CCL23: variants seen among roughly 807,000 people sequenced by gnomAD.
CCL23 encodes the protein C-C motif chemokine ligand 23.
CCL23 carries 10 observed loss-of-function variants against 11.8 expected under a neutral mutation model. The ratio of observed to expected loss-of-function variants is 0.84; its 90% CI spans 0.52 to 1.43. The LOEUF is 1.43. Among genes scored for constraint, CCL23 ranks in the 40% most tolerant of loss-of-function variants. The probability of loss-of-function intolerance (pLI) is 0.00; values close to 1 mark genes in which losing one functional copy is unlikely to be tolerated. For missense variants in CCL23, 181 were observed against 170.9 expected (o/e 1.06, Z -0.33); for synonymous variants, 60 against 61.0 (o/e 0.98, Z 0.07).
Position 36,013,787 on chromosome 17 carries a change from T to C in CCL23, c.259A>G (p.Ser87Gly). The change falls in exon 3 of 4, where the codon AGT (serine) becomes GGT (glycine). Residue 87 changes from serine (S) to glycine (G), a missense_variant. Coordinates refer to ENST00000615050, the MANE Select transcript of CCL23 (RefSeq NM_005064.6). ...PRSIPCSLLE[S>G]YFETNSECSK... ...CACTCGCTGTTCGTTTCAAAGTAAC[T>C]CTCCAGGAGTGAACACGGGATGCTT... 6.2e-7 allele frequency: 1 copy of C among 1,614,092 alleles called. No homozygotes were observed. Among genetic ancestry groups the C allele is most frequent in the Non-Finnish European group, 8.5e-7 (1 of 1,180,018 alleles).
rs2090071028 is a variant in CCL23, at chr17:36,013,267, CTG to C, written c.342_343del (p.Ser115Ter). On this transcript the variant is annotated frameshift_variant, in exon 4 of 4. Coordinates refer to ENST00000615050, the MANE Select transcript of CCL23 (RefSeq NM_005064.6). LOFTEE classifies it low-confidence loss of function (END_TRUNC). ...CATGCAAACCTGAACTTGCTTATCACTGGGGTTGGCACAGAAACGTCGCCCCT... is the reference window on the plus strand; with the variant it reads ...CATGCAAACCTGAACTTGCTTATCACGGGTTGGCACAGAAACGTCGCCCCT... 6.2e-7 allele frequency: 1 copy of C among 1,613,822 alleles called. No homozygotes were observed. Among genetic ancestry groups the C allele is most frequent in the Non-Finnish European group, 8.5e-7 (1 of 1,179,892 alleles).
chr17:36,013,974 T>G lies in CCL23; in HGVS notation c.137-65A>C, dbSNP rs2090078482. 2.7e-6 allele frequency: 4 copies of G among 1,500,766 alleles called. No homozygotes were observed. The Admixed American group carries it at 6.8e-5, about 26-fold the overall frequency. 93.0% of individuals were successfully genotyped at this position (1,500,766 alleles called of 1,614,324 possible). ...TTCCTCCTCCGTGACCAGCACTTGC[T>G]GGCATCTCCCTGCTTCAGACCCTCA... On this transcript the variant is annotated intron_variant, in intron 2 of 3. Coordinates refer to ENST00000615050, the MANE Select transcript of CCL23 (RefSeq NM_005064.6).
At chr17:36,014,072 G>C (rs933556286) in intron 2 of CCL23, among the ~76,000 whole-genome samples, 163 bp from the exon 3 acceptor site, 2 of 152,212 alleles carry the variant, frequency 1.3e-5, no homozygotes, top group African/African-American at 2.4e-5. Context: ...CCCCTAGAAG[G>C]GGAAGGCATC....
At chr17:36,015,927 G>A (rs770600290) in intron 1 of CCL23, among the ~76,000 whole-genome samples, 6 of 151,578 alleles carry the variant, frequency 4.0e-5, no homozygotes, top group Admixed American at 1.3e-4. Context: ...GCCTGTAATC[G>A]CAGCTACTAG....
intron 1 of CCL23, among the ~76,000 whole-genome samples, chr17:36,016,640 G>A (rs979496967): frequency 6.6e-6 from 1 of 151,312 alleles, no homozygotes; most frequent in Non-Finnish European, 1.5e-5. Flanking sequence ...AGATACATGT[G>A]CATGTGTCTT....
chr17:36,016,380 A>T (rs959130208), intron 1 of CCL23, among the ~76,000 whole-genome samples: 8 of 152,038 alleles, frequency 5.3e-5, no homozygotes, highest in Non-Finnish European at 7.4e-5. Context: ...GTGTCCATGC[A>T]TTCTCAGTGT....
At chr17:36,014,051 CAGGA>C (rs1284351382) in intron 2 of CCL23, 142 bp from the exon 3 acceptor site, 9 of 817,352 alleles carry the variant, frequency 1.1e-5, no homozygotes, top group Non-Finnish European at 1.7e-5. Flanking sequence ...AGAGCAGGAC[CAGGA>C]AAATTTCCCC....
Position 36,014,188 on chromosome 17 carries a change from GCCCGT to G in CCL23, c.136+141_136+145del. On this transcript the variant is annotated intron_variant, in intron 2 of 3. Transcript: ENST00000615050. ...GGCATCTATGGAGGGGGTTCCCATA[GCCCGT>G]CCTGATCTTCCTTGGAGATGTTCAC... 28 of 484,852 alleles carry G rather than the reference GCCCGT, an allele frequency of 5.8e-5. 4 individuals carry two copies. The highest frequency in any genetic ancestry group is 1.9e-4 in the South Asian group (7 of 37,720). The allele number at this position is 484,852 out of a possible 1,614,324, so 30.0% of individuals were successfully genotyped here.
At chr17:36,015,700 G>T (rs1390684275) in intron 1 of CCL23, among the ~76,000 whole-genome samples, 1 of 152,138 alleles carries the variant, frequency 6.6e-6, no homozygotes, top group Non-Finnish European at 1.5e-5. Flanking sequence ...AATCCTTAAA[G>T]TTAGTTTATT....
chr17:36,015,071 T>C (rs1458739168), intron 1 of CCL23, among the ~76,000 whole-genome samples: 1 of 152,194 alleles, frequency 6.6e-6, no homozygotes, highest in Non-Finnish European at 1.5e-5. Flanking sequence ...TTCATTCATT[T>C]TGTGAAACTG....
chr17:36,014,558 C>T (rs551661665), intron 1 of CCL23, among the ~76,000 whole-genome samples, 165 bp from the exon 2 acceptor site: 1 of 152,230 alleles, frequency 6.6e-6, no homozygotes, highest in African/African-American at 2.4e-5. Context: ...CCCATTTATT[C>T]CTTTAGGGCC....
At chr17:36,015,247 C>T (rs2090089400) in intron 1 of CCL23, among the ~76,000 whole-genome samples, 1 of 152,044 alleles carries the variant, frequency 6.6e-6, no homozygotes. Flanking sequence ...GCATAATGTC[C>T]TTGATGTTTA....
At chr17:36,015,134 T>C (rs755845972) in intron 1 of CCL23, among the ~76,000 whole-genome samples, 7 of 152,070 alleles carry the variant, frequency 4.6e-5, no homozygotes, top group Non-Finnish European at 8.8e-5. Flanking sequence ...CCTTAATCCC[T>C]GACAATCACT....
chr17:36,016,826 TTAA>T (rs1033659239), intron 1 of CCL23, among the ~76,000 whole-genome samples: 119 of 151,100 alleles, frequency 7.9e-4, no homozygotes, highest in Non-Finnish European at 1.6e-3. Flanking sequence ...AAATATACTA[TTAA>T]TAATTTTAAA....
Position 36,013,140 on chromosome 17 carries a change from G to T in CCL23, c.*57C>A. The T allele has an allele frequency of 1.1e-6, 1 of 921,666 alleles. No individual in the cohort carries two copies. The highest frequency in any genetic ancestry group is 1.3e-5 in the South Asian group (1 of 76,376). The allele number at this position is 921,666 out of a possible 1,614,324, so 57.1% of individuals were successfully genotyped here. A position where few individuals can be genotyped will look rare whatever the true frequency, so the allele number is the denominator to read the frequency against. ...CTTCTTAAAAAAATAATTCAGGAAG[G>T]TAGTTGAGGCAAGAAAGTTGGTGGC... is the stretch of plus-strand genomic sequence containing the variant. On this transcript the variant is annotated 3_prime_UTR_variant, in exon 4 of 4. Transcript: ENST00000615050.
At chr17:36,017,673 G>C in intron 1 of CCL23, 149 bp downstream of exon 1, 1 of 719,464 alleles carries the variant, frequency 1.4e-6, no homozygotes, top group Non-Finnish European at 2.4e-6. Context: ...CCTGCAGACA[G>C]AACCAGGTCT....
At chr17:36,013,536 G>A (rs941607944) in intron 3 of CCL23, 12 of 623,474 alleles carry the variant, frequency 1.9e-5, no homozygotes, top group African/African-American at 1.5e-4. Context: ...GCAGACTTGT[G>A]CCTGCTTTCT....
At chr17:36,017,391 G>C (rs1304895336) in intron 1 of CCL23, among the ~76,000 whole-genome samples, 2 of 152,130 alleles carry the variant, frequency 1.3e-5, no homozygotes, top group African/African-American at 4.8e-5. Context: ...ATGGTTAGGT[G>C]ACCTTGGTTG....
rs2090078482 is a variant in CCL23, at chr17:36,013,974, T to A, written c.137-65A>T. ...TTCCTCCTCCGTGACCAGCACTTGCTGGCATCTCCCTGCTTCAGACCCTCA... is the reference window on the plus strand; with the variant it reads ...TTCCTCCTCCGTGACCAGCACTTGCAGGCATCTCCCTGCTTCAGACCCTCA... On this transcript the variant is annotated intron_variant, in intron 2 of 3. Coordinates refer to ENST00000615050, the MANE Select transcript of CCL23 (RefSeq NM_005064.6). The A allele has an allele frequency of 6.0e-6, 9 of 1,500,880 alleles. No individual in the cohort carries two copies. The South Asian group carries it at 7.0e-5, about 12-fold the overall frequency. The allele number at this position is 1,500,880 out of a possible 1,614,324, so 93.0% of individuals were successfully genotyped here.
Sources: allele counts gnomAD v4.1 joint callset (sites outside exome capture counted in the v4.1 genomes callset), GRCh38; gene constraint gnomAD v4.1.1; transcripts MANE v1.5; gene names NCBI Gene and HGNC (gene_info 2026-07-23, HGNC 2026-07-21).